MLIP: variants seen among roughly 807,000 people sequenced by gnomAD.
MLIP encodes muscular LMNA interacting protein.
A neutral mutation model predicts 84.8 loss-of-function variants in MLIP; 79 were observed. The observed-to-expected ratio is 0.93, with a 90% CI of 0.78 to 1.12. The LOEUF is 1.12. Ranked by LOEUF, MLIP falls within the 50% of genes most tolerant of loss-of-function variation. The probability of loss-of-function intolerance (pLI) is 0.00; values close to 1 mark genes in which losing one functional copy is unlikely to be tolerated. For synonymous variants in MLIP, 504 were observed against 463.0 expected (o/e 1.09, Z -1.14); for missense variants, 1,257 against 1,160.6 (o/e 1.08, Z -1.21).
At chr6:54,058,043 G>A (rs768604290) in intron 1 of MLIP, 17 of 152,002 alleles carry the variant, frequency 1.1e-4, no homozygotes, top group Non-Finnish European at 2.1e-4. Flanking sequence ...ACTTTCTAGA[G>A]GTCAAATTAG....
intron 11 of MLIP, 135 bp downstream of exon 11, chr6:54,202,368 G>A (rs913201373): frequency 2.6e-6 from 1 of 380,578 alleles, no homozygotes. Flanking sequence ...GTAAGAACAT[G>A]TTCATTTGAT....
intron 1 of MLIP, among the ~76,000 whole-genome samples, chr6:54,072,881 A>T (rs1196315140): frequency 6.6e-6 from 1 of 152,214 alleles, no homozygotes; most frequent in Non-Finnish European, 1.5e-5. Context: ...TGGCCTACAG[A>T]TGCAAAGAGA....
At position 54,149,066 on chromosome 6, in the gene MLIP, C is replaced by G. The variant is rs143520454; in HGVS notation, c.2228C>G (p.Thr743Ser). 4.3e-5 allele frequency: 70 copies of G among 1,612,694 alleles called. No homozygotes were observed. Among genetic ancestry groups the G allele is most frequent in the Non-Finnish European group, 5.7e-5 (67 of 1,179,190 alleles). ...GGTTGCCCATTCTAGCAATACAAGA[C>G]CAAGTCAAGCTACAAGGCTTTTGCA... ...PENKKSKQYK[T>S]KSSYKAFAAI... Residue 743 changes from threonine (T) to serine (S), a missense_variant, in exon 5 of 14, where the codon ACC (threonine) becomes AGC (serine). Transcript: ENST00000502396.
intron 1 of MLIP, among the ~76,000 whole-genome samples, chr6:54,022,297 T>A (rs1201506939): frequency 6.6e-6 from 1 of 152,214 alleles, no homozygotes; most frequent in Non-Finnish European, 1.5e-5. Flanking sequence ...ATCCAGTGTT[T>A]CCTAAACTCG....
chr6:54,170,820 A>C lies in MLIP; in HGVS notation c.2544+1248A>C, dbSNP rs9382299. 5.3e-5 allele frequency among the ~76,000 whole-genome samples: 8 copies of C among 151,654 alleles called. No individual in the cohort carries two copies. In the East Asian group the frequency reaches 1.6e-3, roughly 29 times the overall value. On this transcript the variant is annotated intron_variant, in intron 9 of 13. Coordinates refer to ENST00000502396, the MANE Select transcript of MLIP (RefSeq NM_001281747.2). ...TCCTTTCCCTTTTTCCTTTATTCAT[A>C]TCTCCTTTCTTCTCTTCCTCTTATC...
At chr6:54,189,786 A>G in intron 9 of MLIP, 84 bp from the exon 10 acceptor site, 1 of 1,058,348 alleles carries the variant, frequency 9.4e-7, no homozygotes, top group Non-Finnish European at 1.4e-6. Context: ...ATATAATAAT[A>G]AACAAACTTC....
rs1292719948 is a variant in MLIP, at chr6:54,252,293, ACC to A, written c.2923-5014_2923-5013del. Among the ~76,000 whole-genome samples the A allele has an allele frequency of 5.2e-3, 596 of 114,584 alleles. 17 individuals carry two copies. The highest frequency in any genetic ancestry group is 0.022 in the African/African-American group (569 of 26,176). The allele number at this position is 114,584 out of a possible 152,430, so 75.2% of individuals were successfully genotyped here. A position where few individuals can be genotyped will look rare whatever the true frequency, so the allele number is the denominator to read the frequency against. On this transcript the variant is annotated intron_variant, in intron 12 of 13. Coordinates refer to ENST00000502396, the MANE Select transcript of MLIP (RefSeq NM_001281747.2). ...ATATAATATAACTATAATATATTAT[ACC>A]ATATAATATATAATATAACTATAAT...
intron 1 of MLIP, among the ~76,000 whole-genome samples, chr6:54,036,548 C>A (rs1764453879): frequency 6.6e-6 from 1 of 151,756 alleles, no homozygotes; most frequent in Non-Finnish European, 1.5e-5. Context: ...AAAAGATCAG[C>A]AATAATGAGT....
chr6:54,077,941 A>C (rs1441022036), intron 1 of MLIP, among the ~76,000 whole-genome samples: 6 of 152,212 alleles, frequency 3.9e-5, no homozygotes, highest in Non-Finnish European at 7.3e-5. Flanking sequence ...GCCGGTCAAA[A>C]TCAAGTTTCT....
chr6:54,057,627 T>C (rs1765736622), intron 1 of MLIP, among the ~76,000 whole-genome samples: 2 of 152,212 alleles, frequency 1.3e-5, no homozygotes, highest in Non-Finnish European at 2.9e-5. Flanking sequence ...TACTAATCGA[T>C]TTCTGCTAGA....
chr6:54,191,261 A>G (rs942368088), intron 10 of MLIP, among the ~76,000 whole-genome samples: 1 of 152,234 alleles, frequency 6.6e-6, no homozygotes, highest in Non-Finnish European at 1.5e-5. Flanking sequence ...CACAGCCAAC[A>G]AATCATCTTG....
At chr6:54,020,172 A>ACC (rs1763416061) in intron 1 of MLIP, among the ~76,000 whole-genome samples, 1 of 152,212 alleles carries the variant, frequency 6.6e-6, no homozygotes, top group Non-Finnish European at 1.5e-5. Context: ...CAACTACCAA[A>ACC]TATAAGACCA....
Position 54,129,771 on chromosome 6 carries a change from A to T in MLIP, c.645+4906A>T, listed in dbSNP as rs560807518. Among the ~76,000 whole-genome samples the T allele has an allele frequency of 2.0e-5, 3 of 152,304 alleles. No homozygotes were observed. In the South Asian group the frequency reaches 6.2e-4, roughly 32 times the overall value. On this transcript the variant is annotated intron_variant, in intron 3 of 13. Transcript: ENST00000502396. ...GGGAGGTGAAGTGTTCATGGCCATC[A>T]GCTGGATGGCTCTTTGAATGCAGAA...
At chr6:54,106,281 G>T (rs1582153610) in intron 1 of MLIP, among the ~76,000 whole-genome samples, 1 of 152,138 alleles carries the variant, frequency 6.6e-6, no homozygotes, top group African/African-American at 2.4e-5. Context: ...AAGGCAGAGT[G>T]ACTTTGGGCA....
chr6:54,113,896 C>T (rs1331344213), intron 1 of MLIP, among the ~76,000 whole-genome samples: 1 of 152,194 alleles, frequency 6.6e-6, no homozygotes, highest in Non-Finnish European at 1.5e-5. Flanking sequence ...GCTCTACTCT[C>T]ACCAGTACCC....
intron 11 of MLIP, among the ~76,000 whole-genome samples, chr6:54,221,060 C>A (rs1344668779): frequency 2.6e-5 from 4 of 152,072 alleles, no homozygotes; most frequent in Admixed American, 2.6e-4. Context: ...TAACAAACTT[C>A]AAGACGCATT....
At chr6:54,220,078 T>C (rs1780121577) in intron 11 of MLIP, among the ~76,000 whole-genome samples, 2 of 152,240 alleles carry the variant, frequency 1.3e-5, no homozygotes, top group African/African-American at 4.8e-5. Flanking sequence ...CATAAGCTTG[T>C]CATCAGACAT....
rs1361278662 is a variant in MLIP at position 54,136,925 on chromosome 6, C to A, written c.856C>A (p.Pro286Thr). Reference sequence around the variant, plus strand: ...TTTTCAAACTACCGCTCACTCTACACCCTTTTCTGCATCGAAGGGCACCTC... The same window carrying A: ...TTTTCAAACTACCGCTCACTCTACAACCTTTTCTGCATCGAAGGGCACCTC... ...TYFQTTAHST[P>T]FSASKGTSST... Residue 286 changes from proline (P) to threonine (T), a missense_variant, in exon 4 of 14, where the codon CCC becomes ACC. Physicochemically the swap from Pro to Thr is conservative, Grantham distance 38. Transcript: ENST00000502396. 8 of 1,535,924 alleles carry A rather than the reference C, an allele frequency of 5.2e-6. No individual in the cohort carries two copies. In the South Asian group the frequency reaches 8.3e-5, roughly 16 times the overall value.
At chr6:54,115,847 G>T (rs919583374) in intron 1 of MLIP, among the ~76,000 whole-genome samples, 6 of 152,186 alleles carry the variant, frequency 3.9e-5, no homozygotes, top group Non-Finnish European at 7.3e-5. Flanking sequence ...CATTGGTGCA[G>T]GAGTGTGAGA....
Sources: gnomAD v4.1 joint callset for allele counts (sites outside exome capture counted in the v4.1 genomes callset) on GRCh38, gnomAD v4.1.1 for gene constraint, MANE v1.5 for transcripts, NCBI Gene and HGNC (gene_info 2026-07-23, HGNC 2026-07-21) for gene names.